The following ARHGAP30 variants were observed in gnomAD, a reference collection of about 807,000 sequenced individuals.
ARHGAP30 encodes the protein Rho GTPase activating protein 30, also known as rho GTPase-activating protein 30.
ARHGAP30 carries 23 observed loss-of-function variants against 72.0 expected under a neutral mutation model. The observed-to-expected ratio is 0.32, with a 90% CI of 0.23 to 0.45. The LOEUF is 0.45. Among genes scored for constraint, ARHGAP30 ranks in the 20% least tolerant of loss-of-function variants. The pLI, the probability that ARHGAP30 is intolerant of heterozygous loss-of-function variation, is 1.00. For missense variants in ARHGAP30, 1,319 were observed against 1,383.4 expected (o/e 0.95, Z 0.74); for synonymous variants, 576 against 528.2 (o/e 1.09, Z -1.24).
At chr1:161,062,103 C>CAA (rs1030604395) in intron 1 of ARHGAP30, among the ~76,000 whole-genome samples, 1 of 150,706 alleles carries the variant, frequency 6.6e-6, no homozygotes, top group African/African-American at 2.4e-5. Flanking sequence ...ACAACAACAA[C>CAA]AAAAAAAAAC....
At position 161,052,441 on chromosome 1, in the gene ARHGAP30, C is replaced by T. The variant is rs551221429; in HGVS notation, c.939G>A (p.Arg313=). 6.8e-6 allele frequency: 11 copies of T among 1,613,954 alleles called. No individual in the cohort carries two copies. The highest frequency in any genetic ancestry group is 5.0e-5 in the Admixed American group (3 of 60,002). ...KRKLPRGAED[R]EDKSNKGTLR... ...CTCCCCCCATCTCCCCAGACTTACCCCTGTCCTCAGCCCCCCGTGGAAGTT... is the reference window on the plus strand; with the variant it reads ...CTCCCCCCATCTCCCCAGACTTACCTCTGTCCTCAGCCCCCCGTGGAAGTT... Residue 313 remains arginine (R), a splice_region_variant and synonymous_variant, in exon 8 of 12, where the codon AGG becomes AGA. Coordinates refer to ENST00000368013, the MANE Select transcript of ARHGAP30 (RefSeq NM_001025598.2).
At chr1:161,051,757 T>C in intron 9 of ARHGAP30, 42 bp from the exon 10 acceptor site, 2 of 1,532,892 alleles carry the variant, frequency 1.3e-6, no homozygotes, top group Non-Finnish European at 1.8e-6. Context: ...TAGCCTAAAC[T>C]CCAAGGGGCC....
In ARHGAP30 at chr1:161,047,142, G is replaced by A. The variant is rs1302529541; in HGVS notation, c.*573C>T. The A allele has an allele frequency of 3.7e-6, 1 of 267,976 alleles. No homozygotes were observed. The highest frequency in any genetic ancestry group is 8.1e-6 in the Non-Finnish European group (1 of 122,734). The allele number at this position is 267,976 out of a possible 1,614,324, so 16.6% of individuals were successfully genotyped here. A position where few individuals can be genotyped will look rare whatever the true frequency, so the allele number is the denominator to read the frequency against. On this transcript the variant is annotated 3_prime_UTR_variant, in exon 12 of 12. Transcript: ENST00000368013. ...ACCTCTCTTGCACATGGTGACTGGAGGCAGAGGGTGGGGAGCTGGAGAGGA... is the reference window on the plus strand; with the variant it reads ...ACCTCTCTTGCACATGGTGACTGGAAGCAGAGGGTGGGGAGCTGGAGAGGA...
Position 161,051,601 on chromosome 1 carries a change from G to A in ARHGAP30, c.1133C>T (p.Ala378Val). The A allele has an allele frequency of 6.2e-7, 1 of 1,613,790 alleles. No individual in the cohort carries two copies. The highest frequency in any genetic ancestry group is 8.5e-7 in the Non-Finnish European group (1 of 1,180,042). ...TGGTTCAGAGTTTGTGCCACCCAGTGCTTCTGCCTCAGGCTCCTGTTCACC... is the reference window on the plus strand; with the variant it reads ...TGGTTCAGAGTTTGTGCCACCCAGTACTTCTGCCTCAGGCTCCTGTTCACC... The part of the protein sequence containing the change: ...AEGEQEPEAE[A>V]LGGTNSEPGT... The change falls in exon 10 of 12, where the codon GCA becomes GTA. Residue 378 changes from alanine (A) to valine (V), a missense_variant. Physicochemically the swap from Ala to Val is moderately conservative, Grantham distance 64 (BLOSUM62 0). Coordinates refer to ENST00000368013, the MANE Select transcript of ARHGAP30 (RefSeq NM_001025598.2).
chr1:161,066,286 A>G (rs1255116286), intron 1 of ARHGAP30, among the ~76,000 whole-genome samples: 1 of 149,368 alleles, frequency 6.7e-6, no homozygotes, highest in Non-Finnish European at 1.5e-5. Flanking sequence ...TTAAGGAAGC[A>G]CTTATTCTCA....
intron 4 of ARHGAP30, 63 bp downstream of exon 4, chr1:161,054,560 G>A (rs566918242): frequency 6.2e-7 from 1 of 1,603,538 alleles, no homozygotes; most frequent in East Asian, 2.2e-5. Context: ...ACCCAGTTAA[G>A]GCTCCAGGCA....
chr1:161,054,939 G>T (rs1359078909), intron 3 of ARHGAP30, among the ~76,000 whole-genome samples: 1 of 152,060 alleles, frequency 6.6e-6, no homozygotes, highest in Admixed American at 6.5e-5. Context: ...TTGGCAACTC[G>T]CTGCCTTACC....
Position 161,048,002 on chromosome 1 carries a change from G to A in ARHGAP30, c.3019C>T (p.Arg1007Cys), listed in dbSNP as rs754441630. ...FDAAVALARD[R>C]QRTEAQGVRR... The stretch of plus-strand genomic sequence containing the variant: ...ACTCCTTGAGCCTCAGTCCTTTGGC[G>A]GTCCCGGGCTAGGGCCACAGCAGCA... Residue 1007 changes from arginine to cysteine, a missense_variant, in exon 12 of 12, where the codon CGC becomes TGC. This residue lies in a region of ARHGAP30 where 1,097 missense variants were observed against 1,045.2 expected (regional missense o/e 1.05). Transcript: ENST00000368013. 1.1e-5 allele frequency: 17 copies of A among 1,613,968 alleles called. No homozygotes were observed. The highest frequency in any genetic ancestry group is 3.3e-4 in the Middle Eastern group (2 of 6,082).
At position 161,069,487 on chromosome 1, in the gene ARHGAP30, C is replaced by G; in HGVS notation, c.97+41G>C. On this transcript the variant is annotated intron_variant, in intron 1 of 11. Transcript: ENST00000368013. This position sits in a 1 kb window ranked among gnomAD's most constrained non-coding sequence, Gnocchi z 4.9. ...TGGATCGGGCTGCAGATGCCCAGTG[C>G]CTCCCCACCCACCCTGCAGAAGCTG... is the stretch of plus-strand genomic sequence containing the variant. 6.7e-4 allele frequency: 957 copies of G among 1,438,336 alleles called. No individual in the cohort carries two copies. Among genetic ancestry groups the G allele is most frequent in the Non-Finnish European group, 8.5e-4 (878 of 1,029,484 alleles). The allele number at this position is 1,438,336 out of a possible 1,614,324, so 89.1% of individuals were successfully genotyped here. A position where few individuals can be genotyped will look rare whatever the true frequency, so the allele number is the denominator to read the frequency against.
intron 5 of ARHGAP30, among the ~76,000 whole-genome samples, chr1:161,054,107 A>C (rs373189250): frequency 4.6e-5 from 7 of 152,208 alleles, no homozygotes; most frequent in East Asian, 3.9e-4. Flanking sequence ...GTTATGTTCC[A>C]GTCCCTGAGC....
At chr1:161,056,597 T>C in intron 2 of ARHGAP30, 65 bp from the exon 3 acceptor site, 1 of 1,548,646 alleles carries the variant, frequency 6.5e-7, no homozygotes, top group East Asian at 2.3e-5. Context: ...GGTGGGTCCC[T>C]ATAGAGATGG....
rs756194546 is a variant in ARHGAP30, at chr1:161,053,372, CTA to C, written c.548_549del (p.Ile183ArgfsTer41). ...WAPNLLRSKDIEASGFNGTAA... is the reference protein window; with the variant it reads ...WAPNLLRSKDXEASGFNGTAA... ...GCTGTCCCATTGAAGCCTGAGGCCTCTATGTCCTTAGACCTGTGGAGATGTGG... is the reference window on the plus strand; with the variant it reads ...GCTGTCCCATTGAAGCCTGAGGCCTCTGTCCTTAGACCTGTGGAGATGTGG... On this transcript the variant is annotated frameshift_variant, in exon 6 of 12. Coordinates refer to ENST00000368013, the MANE Select transcript of ARHGAP30 (RefSeq NM_001025598.2). LOFTEE classifies it high-confidence loss of function. 1 of 1,613,812 alleles carries C rather than the reference CTA, an allele frequency of 6.2e-7. No individual in the cohort carries two copies. The highest frequency in any genetic ancestry group is 2.2e-5 in the East Asian group (1 of 44,852).
chr1:161,060,859 G>A (rs1009842791), intron 1 of ARHGAP30, among the ~76,000 whole-genome samples: 2 of 151,492 alleles, frequency 1.3e-5, no homozygotes, highest in African/African-American at 2.4e-5. Context: ...CCGCCGCTAC[G>A]TCTCCAGCTA....
chr1:161,061,237 C>T (rs1652289013), intron 1 of ARHGAP30, among the ~76,000 whole-genome samples: 1 of 152,060 alleles, frequency 6.6e-6, no homozygotes, highest in East Asian at 1.9e-4. Flanking sequence ...ACAGTCTTGG[C>T]TCACTGCAAC....
At chr1:161,064,086 T>C (rs1201087879) in intron 1 of ARHGAP30, among the ~76,000 whole-genome samples, 2 of 152,238 alleles carry the variant, frequency 1.3e-5, no homozygotes, top group Non-Finnish European at 2.9e-5. Context: ...TGTTAAGTAC[T>C]TGATGTCTGT....
chr1:161,050,845 T>C (rs1651305849), intron 10 of ARHGAP30, among the ~76,000 whole-genome samples: 1 of 152,126 alleles, frequency 6.6e-6, no homozygotes, highest in Non-Finnish European at 1.5e-5. Flanking sequence ...TTTCGCCATG[T>C]TGGGCAGGCT....
rs1404288136 is a variant in ARHGAP30, at chr1:161,051,485, T to C, written c.1249A>G (p.Asn417Asp). 6.2e-7 allele frequency: 1 copy of C among 1,614,184 alleles called. No homozygotes were observed. The highest frequency in any genetic ancestry group is 8.5e-7 in the Non-Finnish European group (1 of 1,180,030). Residue 417 changes from asparagine to aspartate, a missense_variant, in exon 10 of 12, where the codon AAT becomes GAT. Coordinates refer to ENST00000368013, the MANE Select transcript of ARHGAP30 (RefSeq NM_001025598.2). ...CAGVHISDPY[N>D]VNLPLHITSI... The stretch of plus-strand genomic sequence containing the variant: ...GTGATGTGTAGCGGGAGGTTGACAT[T>C]GTAGGGGTCTGAGATGTGGACACCA...
intron 2 of ARHGAP30, 124 bp from the exon 3 acceptor site, chr1:161,056,656 G>A (rs1651898825): frequency 1.9e-6 from 2 of 1,033,570 alleles, no homozygotes; most frequent in Non-Finnish European, 2.8e-6. Context: ...GAAGGAGAAT[G>A]TTGGGACACG....
rs1320467837 is a variant in ARHGAP30 at position 161,060,804 on chromosome 1, C to A, written c.98-1088G>T. ...GCAACCTCCGCCTCCCGGGTTCAAG[C>A]GAGTCTCCTGCCTCAGCCTCTCAAG... On this transcript the variant is annotated intron_variant, in intron 1 of 11. Coordinates refer to ENST00000368013, the MANE Select transcript of ARHGAP30 (RefSeq NM_001025598.2). Among the ~76,000 whole-genome samples the A allele has an allele frequency of 2.0e-5, 3 of 148,542 alleles. No homozygotes were observed. The East Asian group carries it at 6.2e-4, about 31-fold the overall frequency.
Sources: allele counts gnomAD v4.1 joint callset (sites outside exome capture counted in the v4.1 genomes callset), GRCh38; gene constraint gnomAD v4.1.1; regional missense constraint gnomAD v4.1.1; non-coding constraint Gnocchi (gnomAD v3.1); transcripts MANE v1.5; gene names NCBI Gene and HGNC (gene_info 2026-07-23, HGNC 2026-07-21).